The following PAX2 variants were observed in gnomAD, a reference collection of about 807,000 sequenced individuals.
PAX2 encodes paired box protein Pax-2.
In PAX2, 9 loss-of-function variants were observed where a neutral mutation model predicts 41.7. That is an observed-to-expected ratio of 0.22 (90% CI 0.13 to 0.38). PAX2 has a LOEUF of 0.38. Ranked by LOEUF, PAX2 falls within the 10% of genes least tolerant of loss-of-function variation. The pLI is 1.00. For missense variants in PAX2, 418 were observed against 531.6 expected, an observed-to-expected ratio of 0.79 and a Z score of 2.10; for synonymous variants, 221 against 212.7, an observed-to-expected ratio of 1.04 and a Z score of -0.34.
At chr10:100,757,967 C>T (rs552659254) in intron 3 of PAX2, among the ~76,000 whole-genome samples, 4 of 152,204 alleles carry the variant, frequency 2.6e-5, no homozygotes, top group African/African-American at 7.2e-5. Context: ...GGTAGACAGG[C>T]GAGGCCGTAG....
intron 5 of PAX2, among the ~76,000 whole-genome samples, chr10:100,801,053 T>TA (rs1847545306): frequency 1.3e-5 from 2 of 152,196 alleles, no homozygotes; most frequent in Admixed American, 6.5e-5. Flanking sequence ...GCCTGGAGAC[T>TA]AGGGTCCTGC....
chr10:100,757,673 C>A (rs1323730440), intron 3 of PAX2, among the ~76,000 whole-genome samples: 1 of 152,230 alleles, frequency 6.6e-6, no homozygotes, highest in East Asian at 1.9e-4. Context: ...GCAGAGCTCA[C>A]CCCAGGGCCA....
rs1409134318 is a variant in PAX2, at chr10:100,824,201, G to A, written c.920-447G>A. On this transcript the variant is annotated intron_variant, in intron 7 of 9. Coordinates refer to ENST00000355243, the MANE Select transcript of PAX2 (RefSeq NM_000278.5). This position sits in a 1 kb window ranked among gnomAD's most constrained non-coding sequence, Gnocchi z 6.6. Reference sequence around the variant, plus strand: ...GCCTGAAGGAAAGATGGGGTGTTAGGGAGAGGAAAGATAAGCAAGATGATA... The same window carrying A: ...GCCTGAAGGAAAGATGGGGTGTTAGAGAGAGGAAAGATAAGCAAGATGATA... Among the ~76,000 whole-genome samples, 1 of 152,054 alleles carries A rather than the reference G, an allele frequency of 6.6e-6. No homozygotes were observed. Among genetic ancestry groups the A allele is most frequent in the Admixed American group, 6.6e-5 (1 of 15,266 alleles).
At chr10:100,799,639 T>C (rs1380289991) in intron 5 of PAX2, among the ~76,000 whole-genome samples, 3 of 152,186 alleles carry the variant, frequency 2.0e-5, no homozygotes, top group African/African-American at 7.2e-5. Flanking sequence ...TCTAAGACTA[T>C]TTCCTTTTCT....
intron 7 of PAX2, among the ~76,000 whole-genome samples, chr10:100,818,299 C>T (rs1196663498): frequency 6.6e-6 from 1 of 152,212 alleles, no homozygotes; most frequent in Non-Finnish European, 1.5e-5. Flanking sequence ...TCATGAGCAG[C>T]AGTTTCTGCT....
rs117312683 is a variant in PAX2 at position 100,767,311 on chromosome 10, G to A, written c.411-12187G>A. ...TGCCAGAAAGCAGCAGCACCATGCC[G>A]TTTCTCCAGCAGGTGGACGTGTCCA... On this transcript the variant is annotated intron_variant, in intron 3 of 9. Coordinates refer to ENST00000355243, the MANE Select transcript of PAX2 (RefSeq NM_000278.5). Among the ~76,000 whole-genome samples the A allele has an allele frequency of 6.7e-4, 102 of 152,306 alleles. 1 individual carries two copies. Among genetic ancestry groups the A allele is most frequent in the Non-Finnish European group, 2.2e-4 (15 of 68,032 alleles).
chr10:100,825,493 A>G (rs1410503283), intron 8 of PAX2, among the ~76,000 whole-genome samples: 1 of 152,098 alleles, frequency 6.6e-6, no homozygotes, highest in African/African-American at 2.4e-5. Flanking sequence ...CTAACCCCTA[A>G]CCCCAGATTG....
chr10:100,750,647 C>T lies in PAX2; in HGVS notation c.213-47C>T. 2 of 1,551,268 alleles carry T rather than the reference C, an allele frequency of 1.3e-6. No homozygotes were observed. The highest frequency in any genetic ancestry group is 2.2e-5 in the South Asian group (2 of 89,530). On this transcript the variant is annotated intron_variant, in intron 2 of 9. Transcript: ENST00000355243. This position sits in a 1 kb window ranked among gnomAD's most constrained non-coding sequence, Gnocchi z 4.1. ...CTCTGGAACCTGCAGCCCCCCTGCC[C>T]CGCCACAGTCCGCTTCTGGCTGACC...
Position 100,824,597 on chromosome 10 carries a change from G to T in PAX2, c.920-51G>T. ...CGTGCAGTACCCTGGTGTGAGTAGA[G>T]GCAGGCCCCTTTCTTCCAGGCCTCA... On this transcript the variant is annotated intron_variant, in intron 7 of 9. Coordinates refer to ENST00000355243, the MANE Select transcript of PAX2 (RefSeq NM_000278.5). This position sits in a 1 kb window ranked among gnomAD's most constrained non-coding sequence, Gnocchi z 6.6. 1 of 1,231,722 alleles carries T rather than the reference G, an allele frequency of 8.1e-7. No individual in the cohort carries two copies. 76.3% of individuals were successfully genotyped at this position (1,231,722 alleles called of 1,614,324 possible). A position where few individuals can be genotyped will look rare whatever the true frequency, so the allele number is the denominator to read the frequency against.
In PAX2 at chr10:100,746,232, C is replaced by G. The variant is rs762430219; in HGVS notation, c.-29C>G. 18 of 1,613,128 alleles carry G rather than the reference C, an allele frequency of 1.1e-5. No homozygotes were observed. Among genetic ancestry groups the G allele is most frequent in the Non-Finnish European group, 1.5e-5 (18 of 1,179,750 alleles). On this transcript the variant is annotated 5_prime_UTR_variant, in exon 1 of 10. Coordinates refer to ENST00000355243, the MANE Select transcript of PAX2 (RefSeq NM_000278.5). The stretch of plus-strand genomic sequence containing the variant: ...TTGAGAGGCGACACGGCGGCGGCGG[C>G]CGCGCTGCTCCCGCTCCTCTGCCTC...
At chr10:100,770,730 A>T (rs1373711912) in intron 3 of PAX2, among the ~76,000 whole-genome samples, 1 of 152,224 alleles carries the variant, frequency 6.6e-6, no homozygotes, top group Non-Finnish European at 1.5e-5. Flanking sequence ...CTGGGAATTT[A>T]TCATCCTGGA....
intron 5 of PAX2, among the ~76,000 whole-genome samples, chr10:100,781,695 G>A (rs1258263486): frequency 1.3e-5 from 2 of 152,242 alleles, no homozygotes; most frequent in African/African-American, 4.8e-5. Flanking sequence ...TCTCTGGCCT[G>A]AGGATGAAAG....
In PAX2 at chr10:100,828,983, C is replaced by G. The variant is rs1848685626; in HGVS notation, c.*1364C>G. On this transcript the variant is annotated 3_prime_UTR_variant, in exon 10 of 10. Transcript: ENST00000355243. The surrounding 1 kb of genome is among the most constrained non-coding windows in gnomAD (Gnocchi z 6.5). The stretch of plus-strand genomic sequence containing the variant: ...CGCCGGCCCTGCCTGTAGATACGCC[C>G]CGCTGTCTGTGCTGTGAGAGTCGCC... 2 of 227,808 alleles carry G rather than the reference C, an allele frequency of 8.8e-6. No homozygotes were observed. The highest frequency in any genetic ancestry group is 1.7e-5 in the Non-Finnish European group (2 of 114,892). 14.1% of individuals were successfully genotyped at this position (227,808 alleles called of 1,614,324 possible). A position where few individuals can be genotyped will look rare whatever the true frequency, so the allele number is the denominator to read the frequency against.
intron 5 of PAX2, among the ~76,000 whole-genome samples, chr10:100,802,833 G>T (rs1352102942): frequency 6.6e-6 from 1 of 152,056 alleles, no homozygotes; most frequent in Non-Finnish European, 1.5e-5. Flanking sequence ...ACTAGATTAA[G>T]ATCTGCTTTT....
intron 1 of PAX2, among the ~76,000 whole-genome samples, chr10:100,739,820 C>T (rs1844891860): frequency 2.6e-5 from 4 of 152,216 alleles, no homozygotes; most frequent in African/African-American, 7.2e-5. Context: ...GGCTCCGGGC[C>T]GGCTGCTAAG....
chr10:100,751,180 C>A (rs1443997973), intron 3 of PAX2, among the ~76,000 whole-genome samples: 1 of 152,206 alleles, frequency 6.6e-6, no homozygotes, highest in Admixed American at 6.5e-5. Context: ...TTACGAGCAT[C>A]CAGCCTTGGG....
At chr10:100,781,414 T>C (rs773671432) in intron 5 of PAX2, 49 bp downstream of exon 5, 4 of 1,608,384 alleles carry the variant, frequency 2.5e-6, no homozygotes, top group Admixed American at 3.3e-5. Context: ...GCTTTGTCCT[T>C]GGACTCCAAG....
rs1848560518 is a variant in PAX2 at position 100,826,278 on chromosome 10, G to A, written c.1022-731G>A. ...ACTTAACCCGCGGTTAGGGATCACT[G>A]TAAACAGTCTGGGGTCATCACACAG... On this transcript the variant is annotated intron_variant, in intron 8 of 9. Coordinates refer to ENST00000355243, the MANE Select transcript of PAX2 (RefSeq NM_000278.5). This position sits in a 1 kb window ranked among gnomAD's most constrained non-coding sequence, Gnocchi z 5.5. Among the ~76,000 whole-genome samples, 1 of 147,996 alleles carries A rather than the reference G, an allele frequency of 6.8e-6. No individual in the cohort carries two copies. The highest frequency in any genetic ancestry group is 6.9e-5 in the Admixed American group (1 of 14,576).
chr10:100,782,454 A>T (rs1846670949), intron 5 of PAX2, among the ~76,000 whole-genome samples: 1 of 152,216 alleles, frequency 6.6e-6, no homozygotes, highest in Admixed American at 6.5e-5. Flanking sequence ...GGGAAGCCTA[A>T]TGGAGTGAGG....
Sources: gnomAD v4.1 joint callset for allele counts (sites outside exome capture counted in the v4.1 genomes callset) on GRCh38, gnomAD v4.1.1 for gene constraint, Gnocchi (gnomAD v3.1) non-coding constraint, MANE v1.5 for transcripts, NCBI Gene and HGNC (gene_info 2026-07-23, HGNC 2026-07-21) for gene names.